The following EIF4G3 variants were observed in gnomAD, a reference collection of about 807,000 sequenced individuals.
The protein encoded by EIF4G3 is eIF-4-gamma 3.
A neutral mutation model predicts 186.4 loss-of-function variants in EIF4G3; 34 were observed. The ratio of observed to expected loss-of-function variants is 0.18; its 90% CI spans 0.14 to 0.24. EIF4G3 has a LOEUF of 0.24. Among genes scored for constraint, EIF4G3 ranks in the 10% least tolerant of loss-of-function variants. EIF4G3 has a pLI of 1.00. For synonymous variants in EIF4G3, 673 were observed against 679.5 expected, an observed-to-expected ratio of 0.99 and a Z score of 0.15; for missense variants, 1,536 against 1,948.5, an observed-to-expected ratio of 0.79 and a Z score of 3.99.
intron 12 of EIF4G3, among the ~76,000 whole-genome samples, chr1:20,960,512 G>A (rs1276695235): frequency 6.6e-6 from 1 of 152,130 alleles, no homozygotes; most frequent in Non-Finnish European, 1.5e-5. Context: ...AGAAATCTGG[G>A]AGGCTGAGGC....
intron 2 of EIF4G3, chr1:21,175,424 G>A (rs2098083146): frequency 6.6e-6 from 1 of 152,178 alleles, no homozygotes; most frequent in Non-Finnish European, 1.5e-5. Context: ...GTAAATTAAA[G>A]CCCATTAAAA....
intron 12 of EIF4G3, among the ~76,000 whole-genome samples, chr1:20,965,259 C>G (rs1011924448): frequency 1.3e-5 from 2 of 152,130 alleles, no homozygotes; most frequent in Non-Finnish European, 2.9e-5. Context: ...CTCATTATAT[C>G]CCGCTCTTTA....
At chr1:21,075,662 C>T (rs767250192) in intron 3 of EIF4G3, among the ~76,000 whole-genome samples, 11 of 144,618 alleles carry the variant, frequency 7.6e-5, no homozygotes, top group Non-Finnish European at 1.5e-4. Flanking sequence ...AAACACAAAC[C>T]AGGAGTAGTA....
chr1:20,943,972 TTTTGTGTGTGTGTGTGTGTGTG>T (rs1453761672), intron 13 of EIF4G3, among the ~76,000 whole-genome samples: 11 of 44,800 alleles, frequency 2.5e-4, no homozygotes, highest in African/African-American at 6.0e-4. Flanking sequence ...TCTTTATTTT[TTTTGTGTGTGTGTGTGTGTGTG>T]TGTGTGTGTG....
Position 21,051,130 on chromosome 1 carries a change from AC to A in EIF4G3, c.-195-137del, listed in dbSNP as rs2094190426. ...AAAATAAGCACGAGACTGAACAAAC[AC>A]TTAAAATTTTTAAAATTGAAAAAAA... On this transcript the variant is annotated intron_variant, in intron 3 of 36. Transcript: ENST00000602326. The A allele has an allele frequency of 8.6e-6, 5 of 578,108 alleles. No homozygotes were observed. In the East Asian group the frequency reaches 1.6e-4, roughly 18 times the overall value. 35.8% of individuals were successfully genotyped at this position (578,108 alleles called of 1,614,324 possible).
intron 2 of EIF4G3, among the ~76,000 whole-genome samples, chr1:21,090,409 G>A (rs2096148507): frequency 6.6e-6 from 1 of 152,150 alleles, no homozygotes; most frequent in Admixed American, 6.5e-5. Flanking sequence ...AGAAATCCAA[G>A]AATCCATGAG....
At chr1:20,933,908 G>A (rs1305133389) in intron 14 of EIF4G3, among the ~76,000 whole-genome samples, 1 of 152,176 alleles carries the variant, frequency 6.6e-6, no homozygotes, top group Non-Finnish European at 1.5e-5. Context: ...TTGAAGTTTA[G>A]AGGAGGAGTT....
intron 12 of EIF4G3, 29 bp downstream of exon 12, chr1:20,969,445 G>A (rs1215964568): frequency 6.2e-7 from 1 of 1,612,568 alleles, no homozygotes; most frequent in South Asian, 1.1e-5. Context: ...AACAAATAGT[G>A]CCATCCATTA....
intron 2 of EIF4G3, among the ~76,000 whole-genome samples, chr1:21,147,179 T>G: frequency 6.6e-6 from 1 of 151,452 alleles, no homozygotes; most frequent in East Asian, 2.0e-4. Flanking sequence ...GAAGAATCTC[T>G]TGAACCCGGG....
At position 21,094,745 on chromosome 1, in the gene EIF4G3, A is replaced by G. The variant is rs368366892; in HGVS notation, c.-271-5532T>C. ...TGTAACAAACCTGCACGTTGTGCAC[A>G]TGTACCCTAGAACTTAAAGTATAAT... On this transcript the variant is annotated intron_variant, in intron 2 of 36. Transcript: ENST00000602326. Among the ~76,000 whole-genome samples, 45 of 147,320 alleles carry G rather than the reference A, an allele frequency of 3.1e-4. No homozygotes were observed. The East Asian group carries it at 4.2e-3, about 14-fold the overall frequency.
intron 33 of EIF4G3, among the ~76,000 whole-genome samples, chr1:20,820,948 C>T (rs1380573925): frequency 6.6e-6 from 1 of 152,064 alleles, no homozygotes; most frequent in Non-Finnish European, 1.5e-5. Flanking sequence ...GACAACCTGC[C>T]TACTAGAGAG....
At chr1:20,963,348 C>T (rs752228760) in intron 12 of EIF4G3, among the ~76,000 whole-genome samples, 5 of 150,758 alleles carry the variant, frequency 3.3e-5, no homozygotes, top group East Asian at 1.9e-4. Context: ...ATCATATAAA[C>T]GAACCCATTT....
chr1:21,148,225 T>C (rs966511837), intron 2 of EIF4G3, among the ~76,000 whole-genome samples: 5 of 152,174 alleles, frequency 3.3e-5, no homozygotes, highest in East Asian at 1.9e-4. Context: ...CACTCCATTA[T>C]GCCTCACCAA....
At chr1:21,098,559 AAAAAGAAG>A (rs1461931739) in intron 2 of EIF4G3, among the ~76,000 whole-genome samples, 37 of 110,062 alleles carry the variant, frequency 3.4e-4, no homozygotes, top group Non-Finnish European at 5.3e-4. Flanking sequence ...AAAAAAAAAA[AAAAAGAAG>A]AAGAAGAAGA....
intron 14 of EIF4G3, among the ~76,000 whole-genome samples, chr1:20,927,046 CTTT>C (rs757963098): frequency 2.2e-5 from 3 of 139,204 alleles, no homozygotes; most frequent in Admixed American, 7.2e-5. Context: ...GAAAAAAATA[CTTT>C]TTTTTTTTTT....
intron 2 of EIF4G3, among the ~76,000 whole-genome samples, chr1:21,104,275 C>A (rs1356250722): frequency 1.3e-5 from 2 of 152,148 alleles, no homozygotes; most frequent in Admixed American, 6.6e-5. Flanking sequence ...CCATCCTCAA[C>A]AAATATTTTA....
At chr1:20,867,066 T>G (rs2077715687) in intron 20 of EIF4G3, among the ~76,000 whole-genome samples, 1 of 152,190 alleles carries the variant, frequency 6.6e-6, no homozygotes, top group South Asian at 2.1e-4. Context: ...GGAAGACTAT[T>G]TTAGAAGAGC....
intron 34 of EIF4G3, among the ~76,000 whole-genome samples, chr1:20,814,682 T>C (rs1208855557): frequency 6.6e-6 from 1 of 150,596 alleles, no homozygotes; most frequent in African/African-American, 2.4e-5. Context: ...AGAAAAATGT[T>C]ACTCTTTTCT....
At chr1:21,046,099 A>T (rs2154575897) in intron 4 of EIF4G3, among the ~76,000 whole-genome samples, 1 of 152,326 alleles carries the variant, frequency 6.6e-6, no homozygotes, top group Admixed American at 6.5e-5. Flanking sequence ...TTACTTTGCA[A>T]TCTGCCACCA....
Sources: gnomAD v4.1 joint callset for allele counts (sites outside exome capture counted in the v4.1 genomes callset) on GRCh38, gnomAD v4.1.1 for gene constraint, MANE v1.5 for transcripts, NCBI Gene and HGNC (gene_info 2026-07-23, HGNC 2026-07-21) for gene names.